Variants in PHC2 observed in about 807,000 individuals in gnomAD.
PHC2 encodes the protein polyhomeotic homolog 2, also known as polyhomeotic-like protein 2.
In PHC2, 29 loss-of-function variants were observed where a neutral mutation model predicts 87.4. That is an observed-to-expected ratio of 0.33 (90% CI 0.25 to 0.45). PHC2 has a LOEUF of 0.45. Among genes scored for constraint, PHC2 ranks in the 20% least tolerant of loss-of-function variants. PHC2 has a pLI of 1.00. For missense variants in PHC2, 857 were observed against 1,136.7 expected (o/e 0.75, Z 3.54); for synonymous variants, 438 against 461.7 (o/e 0.95, Z 0.66).
At chr1:33,393,657 T>C (rs1034975774) in intron 1 of PHC2, among the ~76,000 whole-genome samples, 2 of 21,652 alleles carry the variant, frequency 9.2e-5, no homozygotes, top group Non-Finnish European at 1.7e-4. Context: ...AGAAGGTAGG[T>C]TGATTTTGCT....
chr1:33,389,071 A>AAAC (rs1442486969), intron 1 of PHC2, among the ~76,000 whole-genome samples: 2 of 134,942 alleles, frequency 1.5e-5, no homozygotes, highest in Non-Finnish European at 3.4e-5. Context: ...AAAAAAAAAA[A>AAAC]AAAAGAAAGA....
chr1:33,327,034 C>T (rs1298669732), intron 14 of PHC2, among the ~76,000 whole-genome samples: 2 of 152,162 alleles, frequency 1.3e-5, no homozygotes, highest in Non-Finnish European at 2.9e-5. Context: ...AAAATACAGG[C>T]TACTTTTCAC....
intron 9 of PHC2, chr1:33,335,498 T>C (rs2148213840): frequency 5.3e-6 from 1 of 189,694 alleles, no homozygotes; most frequent in Non-Finnish European, 9.8e-6. Flanking sequence ...TAAAACTTTA[T>C]ATGAAGATGC....
At chr1:33,373,274 C>T (rs909597002) in intron 2 of PHC2, among the ~76,000 whole-genome samples, 7 of 152,264 alleles carry the variant, frequency 4.6e-5, no homozygotes, top group South Asian at 2.1e-4. Context: ...CCCGCCACCA[C>T]ACCTGGCTAA....
chr1:33,356,185 G>A (rs1647066958), intron 7 of PHC2, among the ~76,000 whole-genome samples: 1 of 149,296 alleles, frequency 6.7e-6, no homozygotes, highest in Admixed American at 6.7e-5. Flanking sequence ...TTTTTGGCAT[G>A]TGTTGCTATG....
chr1:33,337,329 C>T (rs1294781817), intron 9 of PHC2, among the ~76,000 whole-genome samples: 5 of 152,224 alleles, frequency 3.3e-5, no homozygotes, highest in South Asian at 2.1e-4. Context: ...CCACCTTGGA[C>T]GGCTCATTAG....
At chr1:33,374,030 G>C (rs1648018629) in intron 2 of PHC2, among the ~76,000 whole-genome samples, 1 of 152,152 alleles carries the variant, frequency 6.6e-6, no homozygotes, top group African/African-American at 2.4e-5. Context: ...CCTCTGACGT[G>C]AACACCCCTC....
chr1:33,387,472 G>A (rs2148355994), intron 1 of PHC2, among the ~76,000 whole-genome samples: 1 of 152,304 alleles, frequency 6.6e-6, no homozygotes, highest in South Asian at 2.1e-4. Context: ...GCCTTAATTA[G>A]GTATGTAGAT....
chr1:33,355,439 A>G (rs1348694689), intron 7 of PHC2, among the ~76,000 whole-genome samples, 186 bp from the exon 8 acceptor site: 2 of 152,092 alleles, frequency 1.3e-5, no homozygotes, highest in African/African-American at 4.8e-5. Context: ...CATTCACTCT[A>G]TTCCTGCTTT....
chr1:33,367,687 C>T (rs572622823), intron 6 of PHC2, among the ~76,000 whole-genome samples: 32 of 152,166 alleles, frequency 2.1e-4, no homozygotes, highest in African/African-American at 6.0e-4. Context: ...CCCAGCTGGG[C>T]GGGCAGGGGT....
intron 1 of PHC2, among the ~76,000 whole-genome samples, chr1:33,405,683 G>C (rs1649734015): frequency 6.6e-6 from 1 of 151,884 alleles, no homozygotes; most frequent in Admixed American, 6.6e-5. Flanking sequence ...TCTAAGCTCA[G>C]CTTTATTTAC....
intron 1 of PHC2, among the ~76,000 whole-genome samples, chr1:33,423,016 T>G (rs1650489551): frequency 6.6e-6 from 1 of 152,048 alleles, no homozygotes; most frequent in South Asian, 2.1e-4. Flanking sequence ...TCTCCCCCAC[T>G]ATACCCAAGA....
At chr1:33,404,378 AC>A (rs1448003330) in intron 1 of PHC2, among the ~76,000 whole-genome samples, 2 of 152,220 alleles carry the variant, frequency 1.3e-5, no homozygotes, top group East Asian at 3.9e-4. Context: ...CCCCCACATC[AC>A]CTGGTAATTT....
chr1:33,424,028 G>A (rs561986200), intron 1 of PHC2, among the ~76,000 whole-genome samples: 207 of 70,148 alleles, frequency 3.0e-3, no homozygotes, highest in African/African-American at 0.019. Context: ...CCTGGGAGGC[G>A]GAGGTGGTGC....
chr1:33,374,209 G>T (rs1648029907), intron 2 of PHC2, among the ~76,000 whole-genome samples: 1 of 152,178 alleles, frequency 6.6e-6, no homozygotes, highest in Non-Finnish European at 1.5e-5. Context: ...ATGAGAAGAT[G>T]TCAATGAAGG....
At chr1:33,365,749 C>T (rs1647413511) in intron 7 of PHC2, among the ~76,000 whole-genome samples, 1 of 152,230 alleles carries the variant, frequency 6.6e-6, no homozygotes, top group Admixed American at 6.5e-5. Flanking sequence ...CAGCGACTGA[C>T]CCTTTGCCCC....
intron 9 of PHC2, among the ~76,000 whole-genome samples, chr1:33,338,748 T>A (rs1374325136): frequency 1.3e-5 from 2 of 152,324 alleles, no homozygotes; most frequent in East Asian, 3.9e-4. Flanking sequence ...TCAGAGGCTA[T>A]AAGTGCTGCC....
At chr1:33,330,271 C>T in intron 12 of PHC2, 59 bp from the exon 13 acceptor site, 1 of 1,580,892 alleles carries the variant, frequency 6.3e-7, no homozygotes, top group South Asian at 1.1e-5. Flanking sequence ...GGGCCGTAGG[C>T]AGAATGAGCA....
In PHC2 at chr1:33,375,598, G is replaced by A; in HGVS notation, c.-54-5C>T. 1 of 1,434,436 alleles carries A rather than the reference G, an allele frequency of 7.0e-7. No individual in the cohort carries two copies. Among genetic ancestry groups the A allele is most frequent in the Middle Eastern group, 1.9e-4 (1 of 5,168 alleles). 88.9% of individuals were successfully genotyped at this position (1,434,436 alleles called of 1,614,324 possible). ...TGGCAGAAGGGCAGGCAGATGCTAG[G>A]AGGGAAGAGGCAGAAGTGAATGTTT... On this transcript the variant is annotated splice_polypyrimidine_tract_variant and splice_region_variant and intron_variant, in intron 1 of 14. Transcript: ENST00000683057.
Sources: gnomAD v4.1 joint callset for allele counts (sites outside exome capture counted in the v4.1 genomes callset) on GRCh38, gnomAD v4.1.1 for gene constraint, MANE v1.5 for transcripts, NCBI Gene and HGNC (gene_info 2026-07-23, HGNC 2026-07-21) for gene names.